SSBP2: variants seen among roughly 807,000 people sequenced by gnomAD.
The protein encoded by SSBP2 is single stranded DNA binding protein 2.
A neutral mutation model predicts 61.8 loss-of-function variants in SSBP2; 17 were observed. The observed-to-expected ratio is 0.28, with a 90% CI of 0.19 to 0.41. The LOEUF is 0.41. Among genes scored for constraint, SSBP2 ranks in the 10% least tolerant of loss-of-function variants. SSBP2 has a pLI of 1.00. For synonymous variants in SSBP2, 139 were observed against 141.3 expected, an observed-to-expected ratio of 0.98 and a Z score of 0.12; for missense variants, 310 against 458.7, an observed-to-expected ratio of 0.68 and a Z score of 2.96.
intron 1 of SSBP2, among the ~76,000 whole-genome samples, chr5:81,690,967 A>T (rs1324280161): frequency 2.0e-5 from 3 of 152,064 alleles, no homozygotes; most frequent in Non-Finnish European, 4.4e-5. Flanking sequence ...CTCCTAAATG[A>T]CCAGTGGGGT....
chr5:81,551,096 G>GAAAAAAAA (rs35816072), intron 4 of SSBP2, among the ~76,000 whole-genome samples: 1 of 80,216 alleles, frequency 1.2e-5, no homozygotes, highest in Admixed American at 1.6e-4. Flanking sequence ...ACTCCATCTC[G>GAAAAAAAA]AAAAAAAAAA....
rs1468077808 is a variant in SSBP2, at chr5:81,415,555, A to G, written c.*4949T>C. The G allele has an allele frequency of 6.6e-6, 1 of 152,060 alleles. No homozygotes were observed. The highest frequency in any genetic ancestry group is 1.9e-4 in the East Asian group (1 of 5,194). The allele number at this position is 152,060 out of a possible 1,614,324, so 9.4% of individuals were successfully genotyped here. A position where few individuals can be genotyped will look rare whatever the true frequency, so the allele number is the denominator to read the frequency against. ...AATATTTTTTATCAGGAGTTGATTG[A>G]ATCAGGGATGTGGAACCTGTGGATA... On this transcript the variant is annotated 3_prime_UTR_variant, in exon 17 of 17. Transcript: ENST00000320672.
chr5:81,535,504 C>T (rs1261310981), intron 4 of SSBP2, among the ~76,000 whole-genome samples: 1 of 151,894 alleles, frequency 6.6e-6, no homozygotes, highest in Non-Finnish European at 1.5e-5. Flanking sequence ...ATTTGGAGGA[C>T]TGACTATAAG....
chr5:81,730,563 A>C (rs1756196264), intron 1 of SSBP2, among the ~76,000 whole-genome samples: 1 of 152,212 alleles, frequency 6.6e-6, no homozygotes, highest in Non-Finnish European at 1.5e-5. Flanking sequence ...TAAAAATCTA[A>C]AAATCTACAG....
intron 1 of SSBP2, among the ~76,000 whole-genome samples, chr5:81,665,808 G>A (rs1368206553): frequency 6.6e-6 from 1 of 152,142 alleles, no homozygotes; most frequent in Non-Finnish European, 1.5e-5. Context: ...CCCAGCCTTG[G>A]AGTCATTTTA....
intron 4 of SSBP2, among the ~76,000 whole-genome samples, chr5:81,580,262 T>G (rs1323244506): frequency 6.6e-6 from 1 of 152,040 alleles, no homozygotes; most frequent in Non-Finnish European, 1.5e-5. Context: ...TTCAGAGATA[T>G]CAATCTAACT....
At chr5:81,658,617 C>T (rs1206792907) in intron 1 of SSBP2, among the ~76,000 whole-genome samples, 1 of 151,760 alleles carries the variant, frequency 6.6e-6, no homozygotes, top group East Asian at 1.9e-4. Context: ...ATGCAGAATC[C>T]ACAGATACTA....
chr5:81,465,073 G>C (rs1764798039), intron 9 of SSBP2, among the ~76,000 whole-genome samples: 1 of 151,810 alleles, frequency 6.6e-6, no homozygotes, highest in African/African-American at 2.4e-5. Flanking sequence ...ATATTTACAA[G>C]TGTAAAAATG....
rs935235993 is a variant in SSBP2 at position 81,743,994 on chromosome 5, T to C, written c.62+6987A>G. ...ACCTGATCAATTAAGCTGTTTTCTG[T>C]CTCCTGTTTTGATACCTGAAGCCAA... is the stretch of plus-strand genomic sequence containing the variant. On this transcript the variant is annotated intron_variant, in intron 1 of 16. Coordinates refer to ENST00000320672, the MANE Select transcript of SSBP2 (RefSeq NM_012446.5). Among the ~76,000 whole-genome samples the C allele has an allele frequency of 2.0e-5, 3 of 152,284 alleles. No individual in the cohort carries two copies. The East Asian group carries it at 5.8e-4, about 29-fold the overall frequency.
intron 10 of SSBP2, among the ~76,000 whole-genome samples, chr5:81,457,718 A>G (rs2058382027): frequency 1.3e-5 from 2 of 151,764 alleles, no homozygotes; most frequent in Non-Finnish European, 2.9e-5. Context: ...CTGGAGTGCA[A>G]TGGCGCGATC....
At chr5:81,675,278 T>A (rs926747788) in intron 1 of SSBP2, among the ~76,000 whole-genome samples, 1 of 152,144 alleles carries the variant, frequency 6.6e-6, no homozygotes, top group Non-Finnish European at 1.5e-5. Flanking sequence ...TAAAAAATAA[T>A]AGTCCCCCAT....
chr5:81,466,479 A>C (rs148822283), intron 9 of SSBP2, among the ~76,000 whole-genome samples: 79 of 152,150 alleles, frequency 5.2e-4, no homozygotes, highest in Middle Eastern at 3.4e-3. Flanking sequence ...TCCTGTGTTG[A>C]CAGTAGTCCC....
chr5:81,723,501 T>C (rs1011980941), intron 1 of SSBP2, among the ~76,000 whole-genome samples: 1 of 152,134 alleles, frequency 6.6e-6, no homozygotes, highest in African/African-American at 2.4e-5. Context: ...GAGTAAAAGT[T>C]TGACCCTGAA....
chr5:81,587,764 C>CGT (rs1491495931), intron 4 of SSBP2, among the ~76,000 whole-genome samples: 2 of 75,868 alleles, frequency 2.6e-5, no homozygotes, highest in East Asian at 1.9e-3. Flanking sequence ...CACGCGCGCG[C>CGT]ACACACACAC....
At chr5:81,587,270 A>G (rs1775126043) in intron 4 of SSBP2, among the ~76,000 whole-genome samples, 1 of 152,190 alleles carries the variant, frequency 6.6e-6, no homozygotes, top group Non-Finnish European at 1.5e-5. Context: ...TCCTTCGTAC[A>G]AGTAAACTAG....
intron 4 of SSBP2, among the ~76,000 whole-genome samples, chr5:81,539,478 A>C (rs1309993528): frequency 4.6e-5 from 7 of 152,234 alleles, no homozygotes; most frequent in Non-Finnish European, 7.3e-5. Flanking sequence ...GTTTAAGACT[A>C]AAACTGACTC....
At chr5:81,456,723 T>G (rs2153989392) in intron 10 of SSBP2, among the ~76,000 whole-genome samples, 1 of 152,310 alleles carries the variant, frequency 6.6e-6, no homozygotes, top group Non-Finnish European at 1.5e-5. Flanking sequence ...TTATTTGGAA[T>G]TAAAAATATG....
chr5:81,721,177 G>A (rs1189917307), intron 1 of SSBP2, among the ~76,000 whole-genome samples: 1 of 152,004 alleles, frequency 6.6e-6, no homozygotes, highest in East Asian at 1.9e-4. Flanking sequence ...ACCTACTACT[G>A]CTTGATGAGA....
At chr5:81,751,147 T>C, upstream of SSBP2, 2 of 1,190,870 alleles carry the variant, frequency 1.7e-6, no homozygotes, top group Non-Finnish European at 2.4e-6. Context: ...ACCCCCACTA[T>C]TGGCCGCCCC....
Sources: allele counts gnomAD v4.1 joint callset (sites outside exome capture counted in the v4.1 genomes callset), GRCh38; gene constraint gnomAD v4.1.1; transcripts MANE v1.5; gene names NCBI Gene and HGNC (gene_info 2026-07-23, HGNC 2026-07-21).